The following PDE11A variants were observed in gnomAD, a reference collection of about 807,000 sequenced individuals.
PDE11A encodes dual 3',5'-cyclic-AMP and -GMP phosphodiesterase 11A.
A neutral mutation model predicts 100.5 loss-of-function variants in PDE11A; 100 were observed. The ratio of observed to expected loss-of-function variants is 1.00; its 90% CI spans 0.85 to 1.18. The LOEUF is 1.18. PDE11A is among the 50% of genes most tolerant of loss of function. The probability of loss-of-function intolerance (pLI) is 0.00; values close to 1 mark genes in which losing one functional copy is unlikely to be tolerated. For missense variants in PDE11A, 1,141 were observed against 1,152.6 expected, an observed-to-expected ratio of 0.99 and a Z score of 0.15; for synonymous variants, 381 against 420.8, an observed-to-expected ratio of 0.91 and a Z score of 1.16.
At chr2:177,946,803 C>T (rs1574300155) in intron 2 of PDE11A, among the ~76,000 whole-genome samples, 3 of 116,208 alleles carry the variant, frequency 2.6e-5, no homozygotes, top group Admixed American at 2.3e-4. Flanking sequence ...CAGCCCCCCG[C>T]CCGGCCAGCC....
At chr2:177,867,034 G>A (rs1558981705) in intron 5 of PDE11A, among the ~76,000 whole-genome samples, 2 of 152,182 alleles carry the variant, frequency 1.3e-5, no homozygotes, top group Non-Finnish European at 2.9e-5. Flanking sequence ...GAATATAGGT[G>A]CATAGTAAAG....
intron 2 of PDE11A, among the ~76,000 whole-genome samples, chr2:177,987,999 G>A (rs75385653): frequency 0.011 from 1,740 of 152,278 alleles, 27 homozygotes; most frequent in East Asian, 0.074. Flanking sequence ...TGAATTAAGT[G>A]TGAGAAGTCA....
At chr2:177,739,706 A>T (rs184518974) in intron 10 of PDE11A, among the ~76,000 whole-genome samples, 2 of 152,356 alleles carry the variant, frequency 1.3e-5, no homozygotes, top group Admixed American at 1.3e-4. Flanking sequence ...TCTTAAAGAA[A>T]AACAGACTCT....
At chr2:177,795,573 C>A (rs1243129912) in intron 9 of PDE11A, among the ~76,000 whole-genome samples, 3 of 152,030 alleles carry the variant, frequency 2.0e-5, no homozygotes, top group African/African-American at 7.2e-5. Context: ...TAGTCAAAGA[C>A]CTTCTGAAAT....
chr2:177,906,420 G>C (rs1284405232), intron 2 of PDE11A, among the ~76,000 whole-genome samples: 1 of 152,080 alleles, frequency 6.6e-6, no homozygotes, highest in African/African-American at 2.4e-5. Context: ...AAAAGATGAA[G>C]GGCAATTCAC....
intron 3 of PDE11A, among the ~76,000 whole-genome samples, chr2:177,904,773 T>C (rs1167653974): frequency 6.6e-6 from 1 of 152,066 alleles, no homozygotes; most frequent in Non-Finnish European, 1.5e-5. Context: ...AGGCTGGTCT[T>C]GAACTCCTGA....
intron 5 of PDE11A, among the ~76,000 whole-genome samples, chr2:177,864,264 G>C (rs2083993373): frequency 6.6e-6 from 1 of 152,138 alleles, no homozygotes; most frequent in Non-Finnish European, 1.5e-5. Flanking sequence ...GGATGAACAA[G>C]TCTAGAGAAA....
At chr2:177,828,120 T>C (rs2083255527) in intron 6 of PDE11A, among the ~76,000 whole-genome samples, 1 of 152,210 alleles carries the variant, frequency 6.6e-6, no homozygotes, top group South Asian at 2.1e-4. Flanking sequence ...TTAAAATTTT[T>C]CATGATTATA....
chr2:178,076,121 G>A (rs960955637), upstream of PDE11A, among the ~76,000 whole-genome samples: 6 of 152,088 alleles, frequency 3.9e-5, no homozygotes, highest in East Asian at 1.9e-4. Context: ...ACTATCACAC[G>A]TGAAAAGGCA....
At chr2:177,987,004 G>T (rs1166278166) in intron 2 of PDE11A, among the ~76,000 whole-genome samples, 1 of 152,104 alleles carries the variant, frequency 6.6e-6, no homozygotes, top group Non-Finnish European at 1.5e-5. Flanking sequence ...GTATTTCTCA[G>T]CAAACTTTCT....
At chr2:177,728,986 T>A (rs1295987632) in intron 10 of PDE11A, among the ~76,000 whole-genome samples, 1 of 152,164 alleles carries the variant, frequency 6.6e-6, no homozygotes. Flanking sequence ...GGATCACTCT[T>A]GGTAAGGGAG....
At chr2:177,993,531 C>A (rs530228541) in intron 2 of PDE11A, among the ~76,000 whole-genome samples, 21 of 152,206 alleles carry the variant, frequency 1.4e-4, no homozygotes, top group Admixed American at 7.2e-4. Context: ...ATGTCTTTAA[C>A]AAGCTCAATG....
At chr2:178,037,237 G>C (rs987673331) in intron 1 of PDE11A, among the ~76,000 whole-genome samples, 1 of 152,136 alleles carries the variant, frequency 6.6e-6, no homozygotes, top group Non-Finnish European at 1.5e-5. Context: ...CTTCTCAAAA[G>C]AAGACATTTA....
intron 16 of PDE11A, chr2:177,676,087 A>C (rs2080768605): frequency 1.1e-5 from 2 of 184,204 alleles, no homozygotes; most frequent in Non-Finnish European, 2.3e-5. Flanking sequence ...ATGGTTTATA[A>C]GCATTATGAA....
chr2:177,742,980 A>G (rs1342564684), intron 10 of PDE11A, among the ~76,000 whole-genome samples: 3 of 152,226 alleles, frequency 2.0e-5, no homozygotes, highest in Non-Finnish European at 4.4e-5. Flanking sequence ...CAAGCAGCTA[A>G]ATAAATATCA....
chr2:178,104,421 T>A, exon 2 of PDE11A: 3 of 1,614,048 alleles, frequency 1.9e-6, no homozygotes, highest in Non-Finnish European at 2.5e-6. Flanking sequence ...TGTGTGGCAC[T>A]GAGCACATTT....
chr2:177,808,113 A>C (rs1272107315), intron 9 of PDE11A, among the ~76,000 whole-genome samples: 1 of 152,238 alleles, frequency 6.6e-6, no homozygotes, highest in Non-Finnish European at 1.5e-5. Context: ...GGAGGGATGA[A>C]GCGAGATATT....
chr2:178,038,916 A>G (rs945167888), intron 1 of PDE11A: 3 of 152,330 alleles, frequency 2.0e-5, no homozygotes, highest in East Asian at 1.9e-4. Flanking sequence ...TTACTTTGGC[A>G]GCACATATAC....
intron 10 of PDE11A, among the ~76,000 whole-genome samples, chr2:177,748,981 A>G (rs927803685): frequency 2.0e-5 from 3 of 152,230 alleles, no homozygotes; most frequent in Admixed American, 2.0e-4. Flanking sequence ...TAAAAATAAA[A>G]TATAAAAATA....
Sources: allele counts gnomAD v4.1 joint callset (sites outside exome capture counted in the v4.1 genomes callset), GRCh38; gene constraint gnomAD v4.1.1; transcripts MANE v1.5; gene names NCBI Gene and HGNC (gene_info 2026-07-23, HGNC 2026-07-21).